Variants in PALB2 observed in about 807,000 individuals in gnomAD.
The protein encoded by PALB2 is mutant partner and localizer of BRCA2.
Under a neutral mutation model 107.4 loss-of-function variants are expected in PALB2, and 82 were observed. That is an observed-to-expected ratio of 0.76 (90% CI 0.64 to 0.92). PALB2 has a LOEUF of 0.92. Among genes scored for constraint, PALB2 ranks in the 40% least tolerant of loss-of-function variants. The pLI is 0.00. For synonymous variants in PALB2, 489 were observed against 496.8 expected (o/e 0.98, Z 0.21); for missense variants, 1,374 against 1,379.9 (o/e 1.00, Z 0.07).
At position 23,629,497 on chromosome 16, in the gene PALB2, G is replaced by A. The variant is rs930027067; in HGVS notation, c.2514+143C>T. On this transcript the variant is annotated intron_variant, in intron 5 of 12. Transcript: ENST00000261584. ...TTAATTTCCCCAGAATGAACTTAAT[G>A]ATTACAATGAAATCATATCAAAGAA... The A allele has an allele frequency of 5.3e-6, 5 of 945,738 alleles. No individual in the cohort carries two copies. The Admixed American group carries it at 9.8e-5, about 19-fold the overall frequency. The allele number at this position is 945,738 out of a possible 1,614,324, so 58.6% of individuals were successfully genotyped here. A position where few individuals can be genotyped will look rare whatever the true frequency, so the allele number is the denominator to read the frequency against.
Position 23,609,106 on chromosome 16 carries a change from G to A in PALB2, c.3202-1094C>T, listed in dbSNP as rs533198543. ...CTCCCAAAGGGCCGGGATTATAGGCGTGAGCCACGGCGTCAGGTCAAATGA... is the reference window on the plus strand; with the variant it reads ...CTCCCAAAGGGCCGGGATTATAGGCATGAGCCACGGCGTCAGGTCAAATGA... On this transcript the variant is annotated intron_variant, in intron 11 of 12. Transcript: ENST00000261584. 1.1e-4 allele frequency among the ~76,000 whole-genome samples: 17 copies of A among 152,240 alleles called. 1 individual carries two copies. Among genetic ancestry groups the A allele is most frequent in the African/African-American group, 3.4e-4 (14 of 41,548 alleles).
intron 10 of PALB2, among the ~76,000 whole-genome samples, chr16:23,615,477 T>A (rs978986378): frequency 1.3e-5 from 2 of 150,816 alleles, no homozygotes; most frequent in African/African-American, 2.4e-5. Flanking sequence ...AATAATTTTT[T>A]AATTTTTTGT....
chr16:23,613,887 C>A, intron 11 of PALB2, 117 bp downstream of exon 11: 1 of 751,708 alleles, frequency 1.3e-6, no homozygotes, highest in Non-Finnish European at 2.3e-6. Flanking sequence ...CATTGCTATC[C>A]AATTTTGAAA....
intron 10 of PALB2, among the ~76,000 whole-genome samples, chr16:23,620,261 G>A (rs1966749788): frequency 6.6e-6 from 1 of 152,126 alleles, no homozygotes; most frequent in African/African-American, 2.4e-5. Flanking sequence ...CAAATATTTA[G>A]GTAAACATTA....
In PALB2 at chr16:23,603,545, A is replaced by G. The variant is rs876660792; in HGVS notation, c.3475T>C (p.Trp1159Arg). 3 of 1,614,184 alleles carry G rather than the reference A, an allele frequency of 1.9e-6. No individual in the cohort carries two copies. Among genetic ancestry groups the G allele is most frequent in the Middle Eastern group, 1.6e-4 (1 of 6,062 alleles). Reference sequence around the variant, plus strand: ...GTACCCGACCATTTCACAAAAGACCAATGTTGGTCAGAGACAGGTGGGAGG... The same window carrying G: ...GTACCCGACCATTTCACAAAAGACCGATGTTGGTCAGAGACAGGTGGGAGG... ...ALLPPVSDQH[W>R]SFVKWSGTDS... Residue 1159 changes from tryptophan to arginine, a missense_variant, in exon 13 of 13, where the codon TGG becomes CGG. Transcript: ENST00000261584.
intron 1 of PALB2, among the ~76,000 whole-genome samples, chr16:23,640,093 C>T: frequency 6.6e-6 from 1 of 152,244 alleles, no homozygotes. Flanking sequence ...GGTTTCACTA[C>T]GTTGCCTAGG....
intron 1 of PALB2, chr16:23,638,459 C>A: frequency 2.1e-6 from 1 of 469,988 alleles, no homozygotes; most frequent in Middle Eastern, 3.1e-4. Context: ...CTTTCCTTAC[C>A]ACAGTATTCT....
chr16:23,627,778 C>T (rs184708219), intron 6 of PALB2, among the ~76,000 whole-genome samples: 8 of 152,206 alleles, frequency 5.3e-5, no homozygotes, highest in Non-Finnish European at 1.0e-4. Context: ...GGCCAACTCT[C>T]GAGTCTAATG....
At chr16:23,603,715 A>C (rs905470543) in intron 12 of PALB2, 46 bp from the exon 13 acceptor site, 1 of 1,550,576 alleles carries the variant, frequency 6.4e-7, no homozygotes, top group Non-Finnish European at 8.8e-7. Flanking sequence ...ATATCCAAAA[A>C]ACAATTAAAA....
intron 11 of PALB2, among the ~76,000 whole-genome samples, chr16:23,611,846 T>C (rs144377830): frequency 7.2e-5 from 11 of 152,258 alleles, no homozygotes; most frequent in African/African-American, 2.6e-4. Flanking sequence ...CTGGAACACC[T>C]GGGCTCCAGT....
Position 23,626,268 on chromosome 16 carries a change from A to G in PALB2, c.2716T>C (p.Trp906Arg), listed in dbSNP as rs587782815. The change falls in exon 7 of 13, where the codon TGG (tryptophan) becomes CGG (arginine). Residue 906 changes from tryptophan (W) to arginine (R), a missense_variant. By Grantham distance (101) the Trp-to-Arg change is moderately radical. Coordinates refer to ENST00000261584, the MANE Select transcript of PALB2 (RefSeq NM_024675.4). The part of the protein sequence containing the change: ...SLWKALDAWQ[W>R]EKLYTWHFAE... ...AAGTGCCAGGTATAAAGTTTTTCCCACTGCCAAGCATCCAGAGCTTTCCAA... is the reference window on the plus strand; with the variant it reads ...AAGTGCCAGGTATAAAGTTTTTCCCGCTGCCAAGCATCCAGAGCTTTCCAA... 1 of 1,614,190 alleles carries G rather than the reference A, an allele frequency of 6.2e-7. No individual in the cohort carries two copies. The highest frequency in any genetic ancestry group is 1.3e-5 in the African/African-American group (1 of 75,042).
At chr16:23,630,955 T>C (rs747705842) in intron 4 of PALB2, among the ~76,000 whole-genome samples, 7 of 149,746 alleles carry the variant, frequency 4.7e-5, no homozygotes, top group Non-Finnish European at 8.9e-5. Context: ...AAACAATAAA[T>C]AAATAAATAA....
chr16:23,638,255 T>C (rs142815124), intron 1 of PALB2, 126 bp from the exon 2 acceptor site: 5 of 784,584 alleles, frequency 6.4e-6, no homozygotes, highest in African/African-American at 5.1e-5. Context: ...AACAATCTAC[T>C]TTTGGTTCTC....
intron 11 of PALB2, among the ~76,000 whole-genome samples, chr16:23,612,666 A>G (rs1317583666): frequency 5.3e-5 from 8 of 151,900 alleles, no homozygotes; most frequent in African/African-American, 1.2e-4. Context: ...AGCTGGGACT[A>G]CAGCTGCATG....
chr16:23,634,519 G>A (rs1460428023), intron 4 of PALB2, among the ~76,000 whole-genome samples: 1 of 152,118 alleles, frequency 6.6e-6, no homozygotes, highest in African/African-American at 2.4e-5. Context: ...AGGCATGGTG[G>A]TACATGCCAG....
At position 23,607,854 on chromosome 16, in the gene PALB2, G is replaced by A. The variant is rs2142270941; in HGVS notation, c.3350+10C>T. 2.5e-6 allele frequency: 4 copies of A among 1,613,562 alleles called. No individual in the cohort carries two copies. Among genetic ancestry groups the A allele is most frequent in the Non-Finnish European group, 3.4e-6 (4 of 1,179,864 alleles). ...GTCCCACCCATAGAGTAGCAGTTAT[G>A]CACACTTGCCTGCCAGCCTGCCCTG... On this transcript the variant is annotated intron_variant, in intron 12 of 12. Transcript: ENST00000261584.
chr16:23,616,113 C>T (rs1966680148), intron 10 of PALB2, among the ~76,000 whole-genome samples: 1 of 152,162 alleles, frequency 6.6e-6, no homozygotes, highest in Non-Finnish European at 1.5e-5. Context: ...CCTGCTCCCC[C>T]AACTCCCTGC....
At chr16:23,604,964 CTA>C (rs1966440869) in intron 12 of PALB2, among the ~76,000 whole-genome samples, 1 of 151,986 alleles carries the variant, frequency 6.6e-6, no homozygotes, top group East Asian at 1.9e-4. Flanking sequence ...ATCCCAGCTA[CTA>C]GGGGGGCTGA....
intron 9 of PALB2, among the ~76,000 whole-genome samples, chr16:23,622,068 G>A (rs1168857038): frequency 1.3e-5 from 2 of 152,102 alleles, no homozygotes; most frequent in African/African-American, 4.8e-5. Context: ...GAATAAATAA[G>A]CCAAAGTTCC....
Sources: allele counts gnomAD v4.1 joint callset (sites outside exome capture counted in the v4.1 genomes callset), GRCh38; gene constraint gnomAD v4.1.1; transcripts MANE v1.5; gene names NCBI Gene and HGNC (gene_info 2026-07-23, HGNC 2026-07-21).